Variants in PKP1 observed in about 807,000 individuals in gnomAD.
PKP1 encodes the protein plakophilin 1.
In PKP1, 27 loss-of-function variants were observed where a neutral mutation model predicts 76.4. The observed-to-expected ratio is 0.35, with a 90% CI of 0.26 to 0.49. The LOEUF is 0.49. PKP1 is among the 20% of genes least tolerant of loss of function. The probability of loss-of-function intolerance (pLI) is 0.99; values close to 1 mark genes in which losing one functional copy is unlikely to be tolerated. For missense variants in PKP1, 964 were observed against 955.2 expected, an observed-to-expected ratio of 1.01 and a Z score of -0.12; for synonymous variants, 404 against 384.2, an observed-to-expected ratio of 1.05 and a Z score of -0.60.
intron 2 of PKP1, among the ~76,000 whole-genome samples, chr1:201,304,456 A>C (rs1475831536): frequency 1.3e-5 from 2 of 152,178 alleles, no homozygotes; most frequent in African/African-American, 4.8e-5. Flanking sequence ...AGTTATCATG[A>C]CCACAAGGTC....
Position 201,322,032 on chromosome 1 carries a change from G to A in PKP1, c.1402G>A (p.Glu468Lys), listed in dbSNP as rs748085816. 1.5e-5 allele frequency: 24 copies of A among 1,613,826 alleles called. No homozygotes were observed. Among genetic ancestry groups the A allele is most frequent in the East Asian group, 1.3e-4 (6 of 44,896 alleles). The change falls in exon 8 of 14, where the codon GAG (glutamate) becomes AAG (lysine). Residue 468 changes from glutamate to lysine, a missense_variant. Coordinates refer to ENST00000367324, the MANE Select transcript of PKP1 (RefSeq NM_001005337.3). ...LHNLSYRLDA[E>K]VPTRYRQLEY... Reference sequence around the variant, plus strand: ...CAACCTCTCCTACCGCCTGGACGCCGAGGTGCCCACCCGCTACCGCCAGCT... The same window carrying A: ...CAACCTCTCCTACCGCCTGGACGCCAAGGTGCCCACCCGCTACCGCCAGCT...
In PKP1 at chr1:201,283,847, G is replaced by A; in HGVS notation, c.145G>A (p.Val49Ile). The A allele has an allele frequency of 1.2e-6, 2 of 1,614,168 alleles. No homozygotes were observed. Among genetic ancestry groups the A allele is most frequent in the Non-Finnish European group, 1.7e-6 (2 of 1,179,996 alleles). Residue 49 changes from valine to isoleucine, a missense_variant, in exon 1 of 14, where the codon GTC (valine) becomes ATC (isoleucine). Physicochemically the swap from Val to Ile is conservative, Grantham distance 29. Transcript: ENST00000367324. ...CGTGCAGGAGCAGGTGATGATGACC[G>A]TCAAGCGGCAGAAGTCCAAGTCTTC... ...QRVQEQVMMT[V>I]KRQKSKSSQS...
intron 2 of PKP1, among the ~76,000 whole-genome samples, chr1:201,309,490 C>G (rs1656470295): frequency 2.0e-5 from 3 of 152,180 alleles, no homozygotes; most frequent in Non-Finnish European, 4.4e-5. Flanking sequence ...GCAGAGTGAC[C>G]AACTCTGCTC....
At chr1:201,303,766 C>T (rs1192620878) in intron 2 of PKP1, among the ~76,000 whole-genome samples, 1 of 152,118 alleles carries the variant, frequency 6.6e-6, no homozygotes, top group Non-Finnish European at 1.5e-5. Context: ...TTGCTGTGTC[C>T]TTGATTTCCC....
intron 6 of PKP1, chr1:201,319,869 G>T (rs1656884790): frequency 6.2e-7 from 1 of 1,614,126 alleles, no homozygotes; most frequent in African/African-American, 1.3e-5. Flanking sequence ...AGGGCCACTA[G>T]TAGCAGGGTG....
At chr1:201,283,987 T>A in intron 1 of PKP1, 83 bp downstream of exon 1, 1 of 1,271,216 alleles carries the variant, frequency 7.9e-7, no homozygotes. Flanking sequence ...GACGCACGCA[T>A]CCCCGGGGAT....
Position 201,305,337 on chromosome 1 carries a change from G to A in PKP1, c.307-7829G>A, listed in dbSNP as rs972456544. Among the ~76,000 whole-genome samples, 3 of 152,186 alleles carry A rather than the reference G, an allele frequency of 2.0e-5. No homozygotes were observed. The South Asian group carries it at 6.2e-4, about 31-fold the overall frequency. On this transcript the variant is annotated intron_variant, in intron 2 of 13. Coordinates refer to ENST00000367324, the MANE Select transcript of PKP1 (RefSeq NM_001005337.3). The stretch of plus-strand genomic sequence containing the variant: ...GTTTGAGACCAGCCTGGGCAACATA[G>A]GGGGACCCTGTCTCATAAAACAGTT...
In PKP1 at chr1:201,283,911, G is replaced by C. The variant is rs373397502; in HGVS notation, c.202+7G>C. 3.3e-5 allele frequency: 53 copies of C among 1,613,396 alleles called. No homozygotes were observed. The East Asian group carries it at 6.2e-4, about 19-fold the overall frequency. Reference sequence around the variant, plus strand: ...CTGAGCCACTCCAATCGAGGTAAAGGCTCGGCCCCCGCGTGGTCCGTGCGC... The same window carrying C: ...CTGAGCCACTCCAATCGAGGTAAAGCCTCGGCCCCCGCGTGGTCCGTGCGC... On this transcript the variant is annotated splice_region_variant and intron_variant, in intron 1 of 13. Transcript: ENST00000367324.
chr1:201,310,604 C>T (rs10920170), intron 2 of PKP1, among the ~76,000 whole-genome samples: 2 of 152,186 alleles, frequency 1.3e-5, no homozygotes, highest in Non-Finnish European at 2.9e-5. Context: ...GAATCCAGGC[C>T]CCCTCATGGT....
chr1:201,314,949 A>G (rs1205183464), intron 3 of PKP1, among the ~76,000 whole-genome samples: 1 of 152,234 alleles, frequency 6.6e-6, no homozygotes, highest in Non-Finnish European at 1.5e-5. Context: ...AGGCACAGAG[A>G]TGTTAAGTAG....
At position 201,323,032 on chromosome 1, in the gene PKP1, C is replaced by G. The variant is rs1366886599; in HGVS notation, c.1523C>G (p.Pro508Arg). 1 of 1,614,140 alleles carries G rather than the reference C, an allele frequency of 6.2e-7. No individual in the cohort carries two copies. The highest frequency in any genetic ancestry group is 8.5e-7 in the Non-Finnish European group (1 of 1,180,010). The change falls in exon 9 of 14, where the codon CCC becomes CGC. Residue 508 changes from proline (P) to arginine (R), a missense_variant. Transcript: ENST00000367324. ...DKMMNNNYDC[P>R]LPEEETNPKG... is the part of the protein sequence containing the mutation. Reference sequence around the variant, plus strand: ...CCTCAGAACAACAACTATGACTGCCCCCTGCCTGAGGAAGAGACCAACCCC... The same window carrying G: ...CCTCAGAACAACAACTATGACTGCCGCCTGCCTGAGGAAGAGACCAACCCC...
At chr1:201,288,725 C>A (rs553978988) in intron 1 of PKP1, among the ~76,000 whole-genome samples, 1 of 152,316 alleles carries the variant, frequency 6.6e-6, no homozygotes, top group East Asian at 1.9e-4. Flanking sequence ...CCCTTGCCCA[C>A]TCTAACCCAC....
chr1:201,299,564 G>A (rs1186946357), intron 2 of PKP1, among the ~76,000 whole-genome samples: 2 of 152,248 alleles, frequency 1.3e-5, no homozygotes, highest in African/African-American at 4.8e-5. Context: ...GGGAGCTAAA[G>A]TCTGTGTGCT....
In PKP1 at chr1:201,313,245, A is replaced by G. The variant is rs369088645; in HGVS notation, c.386A>G (p.His129Arg). The change falls in exon 3 of 14, where the codon CAC (histidine) becomes CGC (arginine). Residue 129 changes from histidine to arginine, a missense_variant. His to Arg is a conservative substitution (Grantham distance 29, BLOSUM62 0). Transcript: ENST00000367324. The part of the protein sequence containing the change: ...SYSQMENWSR[H>R]YPRGSCNTTG... ...AGCCAGATGGAGAACTGGAGCCGGC[A>G]CTACCCCCGGGGCAGCTGTAACACC... 2.5e-6 allele frequency: 4 copies of G among 1,604,940 alleles called. No homozygotes were observed. Among genetic ancestry groups the G allele is most frequent in the Admixed American group, 3.4e-5 (2 of 58,888 alleles).
In PKP1 at chr1:201,328,746, G is replaced by A. The variant is rs750079850; in HGVS notation, c.2107-16G>A. ...CACAGTTTTGTGTCATTTGGTTGCT[G>A]TTTCTCCCTTTGCAGCAAGGTTTCG... is the stretch of plus-strand genomic sequence containing the variant. On this transcript the variant is annotated splice_polypyrimidine_tract_variant and intron_variant, in intron 12 of 13. Transcript: ENST00000367324. 6.2e-7 allele frequency: 1 copy of A among 1,613,548 alleles called. No homozygotes were observed. The highest frequency in any genetic ancestry group is 1.7e-5 in the Admixed American group (1 of 60,028).
intron 2 of PKP1, among the ~76,000 whole-genome samples, chr1:201,311,718 G>A (rs189281488): frequency 1.4e-3 from 214 of 152,322 alleles, no homozygotes; most frequent in African/African-American, 4.9e-3. Flanking sequence ...GGGCAGGGGT[G>A]GGCGGGCAGG....
rs1657286135 is a variant in PKP1 at position 201,330,537 on chromosome 1, A to G, written c.*496A>G. On this transcript the variant is annotated 3_prime_UTR_variant, in exon 14 of 14. Coordinates refer to ENST00000367324, the MANE Select transcript of PKP1 (RefSeq NM_001005337.3). ...TTGGTGAGCTGCTCATAATTCCTGA[A>G]ATGTGTGGTGCCAGGGCAAGGGGGC... The G allele has an allele frequency of 6.6e-6, 1 of 152,156 alleles. No homozygotes were observed. Among genetic ancestry groups the G allele is most frequent in the African/African-American group, 2.4e-5 (1 of 41,406 alleles). The allele number at this position is 152,156 out of a possible 1,614,324, so 9.4% of individuals were successfully genotyped here.
intron 11 of PKP1, 89 bp from the exon 12 acceptor site, chr1:201,325,665 G>T (rs2102186851): frequency 2.0e-6 from 2 of 984,344 alleles, no homozygotes; most frequent in African/African-American, 1.6e-5. Flanking sequence ...CTGTGTCCAG[G>T]CCCTGGCAGT....
chr1:201,300,432 G>A (rs935002317), intron 2 of PKP1, among the ~76,000 whole-genome samples: 15 of 152,244 alleles, frequency 9.9e-5, no homozygotes, highest in Admixed American at 2.6e-4. Context: ...GGCTGAGCTC[G>A]GGGAGCTTCC....
Sources: allele counts gnomAD v4.1 joint callset (sites outside exome capture counted in the v4.1 genomes callset), GRCh38; gene constraint gnomAD v4.1.1; transcripts MANE v1.5; gene names NCBI Gene and HGNC (gene_info 2026-07-23, HGNC 2026-07-21).